The following SLC24A2 variants were observed in gnomAD, a reference collection of about 807,000 sequenced individuals.
SLC24A2 encodes the protein solute carrier family 24 member 2.
In SLC24A2, 36 loss-of-function variants were observed where a neutral mutation model predicts 62.0. The observed-to-expected ratio is 0.58, with a 90% confidence interval of 0.44 to 0.77. The LOEUF (loss-of-function observed/expected upper bound fraction) is 0.77. Ranked by LOEUF, SLC24A2 falls within the 30% of genes least tolerant of loss-of-function variation. SLC24A2 has a pLI of 0.00. For missense variants in SLC24A2, 846 were observed against 817.9 expected, an observed-to-expected ratio of 1.03 and a Z score of -0.42; for synonymous variants, 358 against 294.0, an observed-to-expected ratio of 1.22 and a Z score of -2.23.
the SLC24A2 span, among the ~76,000 whole-genome samples, chr9:20,110,303 T>C: frequency 1.7e-4 from 26 of 152,274 alleles, no homozygotes; most frequent in South Asian, 2.5e-3. Context: ...TAGCAGGAAA[T>C]TTTGCTTTTG....
the SLC24A2 span, among the ~76,000 whole-genome samples, chr9:20,230,724 G>A: frequency 7.2e-5 from 11 of 152,160 alleles, no homozygotes; most frequent in African/African-American, 1.9e-4. Context: ...CTGTGCAGAA[G>A]CTCTTTAGTT....
At chr9:20,249,697 T>A in the SLC24A2 span, among the ~76,000 whole-genome samples, 1 of 121,432 alleles carries the variant, frequency 8.2e-6, no homozygotes, top group Admixed American at 8.5e-5. Context: ...AGATTGAAAC[T>A]CTGTCTCAAA....
At chr9:20,217,721 G>T in the SLC24A2 span, among the ~76,000 whole-genome samples, 1 of 152,240 alleles carries the variant, frequency 6.6e-6, no homozygotes, top group Middle Eastern at 3.4e-3. Context: ...CTATACTACT[G>T]CTTTCCAGAT....
intron 2 of SLC24A2, among the ~76,000 whole-genome samples, chr9:19,675,078 C>T (rs1436632921): frequency 6.6e-6 from 1 of 152,166 alleles, no homozygotes; most frequent in African/African-American, 2.4e-5. Context: ...CTCCCTTCCC[C>T]TAGGGATGGG....
chr9:20,284,281 A>ATTT, the SLC24A2 span, among the ~76,000 whole-genome samples: 1 of 149,202 alleles, frequency 6.7e-6, no homozygotes, highest in Non-Finnish European at 1.5e-5. Flanking sequence ...GTTTTCAGGT[A>ATTT]TTTTTTTTTT....
intron 7 of SLC24A2, among the ~76,000 whole-genome samples, chr9:19,560,484 C>G (rs753899465): frequency 3.0e-4 from 46 of 152,332 alleles, no homozygotes; most frequent in South Asian, 1.0e-3. Context: ...CCCCCTCTTT[C>G]CCCTCAGGGT....
the SLC24A2 span, among the ~76,000 whole-genome samples, chr9:19,960,071 G>A: frequency 1.1e-3 from 172 of 152,264 alleles, 4 homozygotes; most frequent in East Asian, 0.031. Context: ...GTCCGTTGAG[G>A]ATAAGCTATT....
intron 7 of SLC24A2, among the ~76,000 whole-genome samples, chr9:19,559,279 T>G (rs1835275051): frequency 6.6e-6 from 1 of 152,168 alleles, no homozygotes; most frequent in Non-Finnish European, 1.5e-5. Context: ...ATGCAAAAAT[T>G]TTGTACCTCC....
intron 2 of SLC24A2, among the ~76,000 whole-genome samples, chr9:19,735,070 G>A (rs1245108966): frequency 1.3e-5 from 2 of 152,018 alleles, no homozygotes; most frequent in African/African-American, 2.4e-5. Flanking sequence ...AGAGTGAACA[G>A]GCAACCTACA....
At chr9:19,520,477 G>A (rs1354589499) in intron 10 of SLC24A2, among the ~76,000 whole-genome samples, 2 of 152,166 alleles carry the variant, frequency 1.3e-5, no homozygotes, top group Non-Finnish European at 2.9e-5. Context: ...AACAGGATAT[G>A]TATGGTAGGC....
chr9:19,841,500 G>T, the SLC24A2 span, among the ~76,000 whole-genome samples: 1 of 152,202 alleles, frequency 6.6e-6, no homozygotes, highest in African/African-American at 2.4e-5. Flanking sequence ...ATTGGTAGAT[G>T]ATGGGTTAGG....
intron 7 of SLC24A2, among the ~76,000 whole-genome samples, chr9:19,564,320 T>C (rs1835558692): frequency 6.6e-6 from 1 of 152,218 alleles, no homozygotes; most frequent in Admixed American, 6.5e-5. Context: ...CAAACATTTT[T>C]ATCAGCACCA....
At chr9:20,135,249 A>C in the SLC24A2 span, among the ~76,000 whole-genome samples, 1 of 152,104 alleles carries the variant, frequency 6.6e-6, no homozygotes, top group Admixed American at 6.5e-5. Context: ...ATTCCAAGAA[A>C]TTCGACCTGA....
the SLC24A2 span, among the ~76,000 whole-genome samples, chr9:20,168,732 T>G: frequency 6.6e-6 from 1 of 151,990 alleles, no homozygotes; most frequent in African/African-American, 2.4e-5. Flanking sequence ...GTAGAGGAAT[T>G]GAAGCCCTCG....
At chr9:19,586,287 A>G (rs1278122685) in intron 5 of SLC24A2, among the ~76,000 whole-genome samples, 2 of 152,126 alleles carry the variant, frequency 1.3e-5, no homozygotes, top group Non-Finnish European at 1.5e-5. Context: ...GCTGTTCTCC[A>G]TCTGTGCCCT....
chr9:20,274,914 G>T, the SLC24A2 span, among the ~76,000 whole-genome samples: 2 of 152,098 alleles, frequency 1.3e-5, no homozygotes, highest in African/African-American at 4.8e-5. Flanking sequence ...CCACTGTCTA[G>T]CCGGAAGAGG....
chr9:20,003,000 T>C, the SLC24A2 span, among the ~76,000 whole-genome samples: 423 of 152,304 alleles, frequency 2.8e-3, 2 homozygotes, highest in African/African-American at 9.4e-3. Context: ...CCTGAAATTC[T>C]TAATAGCTTT....
At chr9:19,924,789 C>T in the SLC24A2 span, among the ~76,000 whole-genome samples, 1 of 152,144 alleles carries the variant, frequency 6.6e-6, no homozygotes, top group Non-Finnish European at 1.5e-5. Flanking sequence ...CCAAAGTAAC[C>T]ACCAAACTGC....
At chr9:20,070,049 ATTAT>A in the SLC24A2 span, among the ~76,000 whole-genome samples, 1 of 152,116 alleles carries the variant, frequency 6.6e-6, no homozygotes, top group Non-Finnish European at 1.5e-5. Context: ...ACTTATTTTT[ATTAT>A]TTATTATTTA....
Sources: gnomAD v4.1 joint callset for allele counts (sites outside exome capture counted in the v4.1 genomes callset) on GRCh38, gnomAD v4.1.1 for gene constraint, MANE v1.5 for transcripts, NCBI Gene and HGNC (gene_info 2026-07-23, HGNC 2026-07-21) for gene names.